IL7: variants seen among roughly 807,000 people sequenced by gnomAD.
IL7 encodes interleukin 7.
IL7 carries 3 observed loss-of-function variants against 21.6 expected under a neutral mutation model. The observed-to-expected ratio is 0.14, with a 90% confidence interval of 0.06 to 0.36. The LOEUF (loss-of-function observed/expected upper bound fraction) is 0.36, where lower values mean the gene tolerates loss of function less well. Among genes scored for constraint, IL7 ranks in the 10% least tolerant of loss-of-function variants. The pLI is 1.00. For missense variants in IL7, 175 were observed against 200.2 expected (o/e 0.87, Z 0.76); for synonymous variants, 62 against 68.1 (o/e 0.91, Z 0.44).
intron 3 of IL7, among the ~76,000 whole-genome samples, chr8:78,694,127 C>G (rs540708268): frequency 6.6e-6 from 1 of 152,062 alleles, no homozygotes; most frequent in Non-Finnish European, 1.5e-5. Flanking sequence ...TTGCAGTTGG[C>G]TGGCTATTTT....
intron 4 of IL7, among the ~76,000 whole-genome samples, chr8:78,681,792 T>C (rs1809791424): frequency 6.6e-6 from 1 of 152,156 alleles, no homozygotes; most frequent in African/African-American, 2.4e-5. Flanking sequence ...GTCATAATTA[T>C]TAAATTTATT....
intron 4 of IL7, among the ~76,000 whole-genome samples, chr8:78,680,286 C>CAAAA (rs3070855): frequency 4.5e-5 from 4 of 88,144 alleles, no homozygotes; most frequent in African/African-American, 1.4e-4. Context: ...GACTCCGTCT[C>CAAAA]AAAAAAAAAA....
intron 2 of IL7, among the ~76,000 whole-genome samples, chr8:78,771,239 A>AT (rs1812939289): frequency 2.2e-5 from 3 of 139,302 alleles, no homozygotes; most frequent in South Asian, 2.2e-4. Context: ...TTTAGCAGTA[A>AT]TTTTTTTAAT....
chr8:78,741,426 A>C (rs1256959233), intron 2 of IL7, among the ~76,000 whole-genome samples: 1 of 152,228 alleles, frequency 6.6e-6, no homozygotes, highest in African/African-American at 2.4e-5. Flanking sequence ...TAAAACATAG[A>C]GTATTTAATT....
At chr8:78,777,410 AATT>A (rs1813167465) in intron 2 of IL7, among the ~76,000 whole-genome samples, 1 of 151,978 alleles carries the variant, frequency 6.6e-6, no homozygotes, top group South Asian at 2.1e-4. Context: ...CGGACTTTGT[AATT>A]ATGTTGTGGC....
intron 2 of IL7, among the ~76,000 whole-genome samples, chr8:78,795,428 C>T (rs1309914572): frequency 6.6e-6 from 1 of 152,002 alleles, no homozygotes; most frequent in Non-Finnish European, 1.5e-5. Flanking sequence ...TCTTCCATGT[C>T]TTGTGAATTA....
At chr8:78,735,276 C>CTTTTTTTTTTTTTTTTTTTTTTTT in intron 5 of IL7, among the ~76,000 whole-genome samples, 47 of 78,486 alleles carry the variant, frequency 6.0e-4, no homozygotes, top group Admixed American at 8.9e-4. Flanking sequence ...CTTTTCTTTT[C>CTTTTTTTTTTTTTTTTTTTTTTTT]TTTTTTTTTT....
chr8:78,684,011 A>G lies in IL7; in HGVS notation n.273+1878T>C, dbSNP rs187926872. Among the ~76,000 whole-genome samples, 406 of 152,300 alleles carry G rather than the reference A, an allele frequency of 2.7e-3. 3 individuals carry two copies. Among genetic ancestry groups the G allele is most frequent in the African/African-American group, 9.1e-3 (379 of 41,560 alleles). On this transcript the variant is annotated intron_variant and non_coding_transcript_variant, in intron 4 of 4. Transcript: ENST00000523959. ...CCTGGACTTTGTTGTCCATATCACT[A>G]TTAGCATTTTGGTCAAAACCATTCA...
chr8:78,688,412 A>T (rs188381572), intron 3 of IL7, among the ~76,000 whole-genome samples: 1 of 152,198 alleles, frequency 6.6e-6, no homozygotes, highest in East Asian at 1.9e-4. Flanking sequence ...AGGAGGACAA[A>T]TTTTTGAGCT....
At chr8:78,689,389 A>G (rs768463430) in intron 3 of IL7, 9 of 1,549,266 alleles carry the variant, frequency 5.8e-6, no homozygotes, top group South Asian at 5.0e-5. Context: ...TTCAGTTTTA[A>G]TAATTGCTAT....
intron 1 of IL7, 49 bp from the exon 2 acceptor site, chr8:78,798,257 AT>A: frequency 7.2e-7 from 1 of 1,392,652 alleles, no homozygotes; most frequent in Non-Finnish European, 1.0e-6. Context: ...ATCGTATTGC[AT>A]TTGATTGTGG....
intron 2 of IL7, among the ~76,000 whole-genome samples, chr8:78,748,616 T>C (rs1326615593): frequency 6.6e-6 from 1 of 152,104 alleles, no homozygotes; most frequent in Non-Finnish European, 1.5e-5. Context: ...AGATAGGAAA[T>C]AGAAGAAGAG....
chr8:78,765,370 G>A (rs1586083392), intron 2 of IL7, among the ~76,000 whole-genome samples: 1 of 151,994 alleles, frequency 6.6e-6, no homozygotes, highest in African/African-American at 2.4e-5. Flanking sequence ...TTTGCAAAAA[G>A]CAGCATCAGG....
intron 2 of IL7, among the ~76,000 whole-genome samples, chr8:78,748,099 A>T (rs1237432057): frequency 6.6e-6 from 1 of 152,220 alleles, no homozygotes; most frequent in Non-Finnish European, 1.5e-5. Context: ...AACTGGTTTG[A>T]CATAAAGCCA....
chr8:78,702,729 T>G (rs2130567785), intron 3 of IL7, among the ~76,000 whole-genome samples: 1 of 152,282 alleles, frequency 6.6e-6, no homozygotes, highest in Non-Finnish European at 1.5e-5. Flanking sequence ...CAAAAATCAT[T>G]CAGGAGAAGG....
At chr8:78,769,110 T>C (rs1158973374) in intron 2 of IL7, among the ~76,000 whole-genome samples, 4 of 151,952 alleles carry the variant, frequency 2.6e-5, no homozygotes, top group African/African-American at 9.7e-5. Context: ...AGCATTCCCT[T>C]TGAAAACTGG....
intron 3 of IL7, among the ~76,000 whole-genome samples, chr8:78,704,734 G>C (rs182903600): frequency 6.6e-6 from 1 of 152,122 alleles, no homozygotes; most frequent in African/African-American, 2.4e-5. Flanking sequence ...CAGATATACC[G>C]GTCAGTCATA....
At chr8:78,799,927 T>C (rs1471094383) in intron 1 of IL7, among the ~76,000 whole-genome samples, 3 of 152,178 alleles carry the variant, frequency 2.0e-5, no homozygotes, top group Non-Finnish European at 4.4e-5. Flanking sequence ...AAATGTACAC[T>C]CATAGATTTA....
At chr8:78,731,959 T>C (rs994239792), downstream of IL7, among the ~76,000 whole-genome samples, 2 of 152,104 alleles carry the variant, frequency 1.3e-5, no homozygotes, top group Non-Finnish European at 2.9e-5. Context: ...TTTAACACTG[T>C]TAGGGAACAT....
Sources: gnomAD v4.1 joint callset for allele counts (sites outside exome capture counted in the v4.1 genomes callset) on GRCh38, gnomAD v4.1.1 for gene constraint, MANE v1.5 for transcripts, NCBI Gene and HGNC (gene_info 2026-07-23, HGNC 2026-07-21) for gene names.